The following LRRK2 variants were observed in gnomAD, a reference collection of about 807,000 sequenced individuals.
LRRK2 encodes leucine rich repeat kinase 2, also known as leucine-rich repeat serine/threonine-protein kinase 2.
Under a neutral mutation model 302.6 loss-of-function variants are expected in LRRK2, and 203 were observed. That is an observed-to-expected ratio of 0.67 (90% CI 0.60 to 0.75). LRRK2 has a LOEUF of 0.75. Among genes scored for constraint, LRRK2 ranks in the 30% least tolerant of loss-of-function variants. LRRK2 has a pLI of 0.00. For synonymous variants in LRRK2, 1,066 were observed against 1,031.9 expected, an observed-to-expected ratio of 1.03 and a Z score of -0.63; for missense variants, 2,830 against 2,951.0, an observed-to-expected ratio of 0.96 and a Z score of 0.95.
At position 40,340,304 on chromosome 12, in the gene LRRK2, T is replaced by C. The variant is rs1459894501; in HGVS notation, c.5959T>C (p.Ser1987Pro). 6.2e-7 allele frequency: 1 copy of C among 1,613,770 alleles called. No homozygotes were observed. The highest frequency in any genetic ancestry group is 2.2e-5 in the East Asian group (1 of 44,878). ...HVADGLRYLH[S>P]AMIIYRDLKP... Reference sequence around the variant, plus strand: ...TGCATTTTCTGGCAGATACCTCCACTCAGCCATGATTATATACCGAGACCT... The same window carrying C: ...TGCATTTTCTGGCAGATACCTCCACCCAGCCATGATTATATACCGAGACCT... The change falls in exon 41 of 51, where the codon TCA (serine) becomes CCA (proline). Residue 1987 changes from serine to proline, a missense_variant. Ser to Pro is a moderately conservative substitution (Grantham distance 74). Around this residue, in one of 3 missense-constraint regions of LRRK2, gnomAD observed 253 missense variants for 346.7 expected, o/e 0.73. Coordinates refer to ENST00000298910, the MANE Select transcript of LRRK2 (RefSeq NM_198578.4).
intron 33 of LRRK2, among the ~76,000 whole-genome samples, chr12:40,316,661 A>G (rs1369500835): frequency 1.3e-5 from 2 of 152,064 alleles, no homozygotes; most frequent in Non-Finnish European, 2.9e-5. Flanking sequence ...GGTTCAGTGT[A>G]AGTGAGGGGT....
At chr12:40,270,082 T>G (rs1565697692) in intron 14 of LRRK2, among the ~76,000 whole-genome samples, 1 of 152,178 alleles carries the variant, frequency 6.6e-6, no homozygotes, top group Non-Finnish European at 1.5e-5. Context: ...TTAGAGTTGT[T>G]GAATATTTTA....
intron 6 of LRRK2, 127 bp from the exon 7 acceptor site, chr12:40,243,423 T>C: frequency 1.0e-6 from 1 of 970,556 alleles, no homozygotes; most frequent in Non-Finnish European, 1.6e-6. Context: ...AAGAACATGA[T>C]GTTTAAATTT....
chr12:40,294,128 CT>C (rs1298514418), intron 21 of LRRK2, among the ~76,000 whole-genome samples: 14 of 110,412 alleles, frequency 1.3e-4, no homozygotes, highest in African/African-American at 3.3e-4. Context: ...ATCTATCTAT[CT>C]ATCATCTATC....
intron 39 of LRRK2, among the ~76,000 whole-genome samples, chr12:40,332,938 G>A (rs1945755623): frequency 7.1e-6 from 1 of 141,694 alleles, no homozygotes. Context: ...AAAAAGGGGT[G>A]TGCATAATGT....
intron 28 of LRRK2, among the ~76,000 whole-genome samples, chr12:40,307,781 CT>C (rs201473630): frequency 0.12 from 14,365 of 118,966 alleles, 498 homozygotes; most frequent in African/African-American, 0.17. Context: ...CTTTTCTTTT[CT>C]TTTTTTTTTT....
intron 20 of LRRK2, among the ~76,000 whole-genome samples, chr12:40,288,584 G>A (rs1452976617): frequency 6.6e-6 from 1 of 151,782 alleles, no homozygotes; most frequent in African/African-American, 2.4e-5. Context: ...GAGCATTCTG[G>A]TTGCTCTACA....
At chr12:40,348,774 T>G (rs1946268873) in intron 43 of LRRK2, among the ~76,000 whole-genome samples, 1 of 152,148 alleles carries the variant, frequency 6.6e-6, no homozygotes. Context: ...CTGTTGACTC[T>G]TTTGCCTACA....
intron 40 of LRRK2, among the ~76,000 whole-genome samples, chr12:40,336,930 C>G (rs1945890502): frequency 1.3e-5 from 2 of 152,294 alleles, no homozygotes; most frequent in South Asian, 4.1e-4. Flanking sequence ...TATTTTTTAA[C>G]ACTGTTCGAA....
At chr12:40,347,528 T>C (rs906283145) in intron 42 of LRRK2, among the ~76,000 whole-genome samples, 2 of 152,252 alleles carry the variant, frequency 1.3e-5, no homozygotes, top group Non-Finnish European at 2.9e-5. Flanking sequence ...GTGTACACAA[T>C]GTGCCATGTA....
chr12:40,305,230 G>T (rs1455344738), intron 27 of LRRK2, among the ~76,000 whole-genome samples: 1 of 152,080 alleles, frequency 6.6e-6, no homozygotes, highest in African/African-American at 2.4e-5. Context: ...GCAAAACTGT[G>T]CATATATTTT....
Position 40,238,039 on chromosome 12 carries a change from A to T in LRRK2, c.507A>T (p.Ser169=), listed in dbSNP as rs1455562675. ...IFMLIFDAMH[S]FPANDEVQKL... is the part of the protein sequence containing the mutation. ...TGTTAATTTTTGATGCCATGCACTC[A>T]TTTCCAGCCAATGATGAAGTCCAGA... is the stretch of plus-strand genomic sequence containing the variant. Residue 169 remains serine, a synonymous_variant, in exon 5 of 51, where the codon TCA becomes TCT. Transcript: ENST00000298910. 1 of 1,613,748 alleles carries T rather than the reference A, an allele frequency of 6.2e-7. No individual in the cohort carries two copies.
intron 6 of LRRK2, 42 bp from the exon 7 acceptor site, chr12:40,243,508 A>G (rs370900988): frequency 9.3e-6 from 15 of 1,604,484 alleles, no homozygotes; most frequent in Non-Finnish European, 1.3e-5. Flanking sequence ...TGAAAGGAGA[A>G]CATGGTTACC....
rs1340472180 is a variant in LRRK2 at position 40,309,416 on chromosome 12, A to T, written c.4317+183A>T. On this transcript the variant is annotated intron_variant, in intron 30 of 50. Transcript: ENST00000298910. ...TCCGAGTAATGAAGTCATAACATGA[A>T]AATTGTATGTTCCATGTTGGTGAAT... is the stretch of plus-strand genomic sequence containing the variant. Among the ~76,000 whole-genome samples, 6 of 152,116 alleles carry T rather than the reference A, an allele frequency of 3.9e-5. No individual in the cohort carries two copies. The South Asian group carries it at 8.3e-4, about 21-fold the overall frequency.
chr12:40,278,397 G>T (rs1347775539), intron 18 of LRRK2, 136 bp downstream of exon 18: 2 of 1,071,118 alleles, frequency 1.9e-6, no homozygotes, highest in Non-Finnish European at 2.8e-6. Context: ...AATTGTTTGT[G>T]TCTTGTAGTA....
intron 41 of LRRK2, among the ~76,000 whole-genome samples, chr12:40,341,358 G>C (rs768006937): frequency 6.6e-6 from 1 of 152,146 alleles, no homozygotes; most frequent in African/African-American, 2.4e-5. Flanking sequence ...GTTCTAGTTC[G>C]TTTCCTGCGC....
chr12:40,296,712 A>T (rs1311723972), intron 23 of LRRK2, among the ~76,000 whole-genome samples: 4 of 152,158 alleles, frequency 2.6e-5, no homozygotes, highest in African/African-American at 4.8e-5. Context: ...GATGTTTTAA[A>T]GGCAACATTA....
chr12:40,332,045 A>G (rs1308389218), intron 39 of LRRK2, among the ~76,000 whole-genome samples: 1 of 152,226 alleles, frequency 6.6e-6, no homozygotes, highest in Non-Finnish European at 1.5e-5. Flanking sequence ...AACCCATTAA[A>G]TAAATAGATG....
At chr12:40,281,407 T>A (rs1943692571) in intron 18 of LRRK2, among the ~76,000 whole-genome samples, 1 of 152,226 alleles carries the variant, frequency 6.6e-6, no homozygotes, top group Non-Finnish European at 1.5e-5. Flanking sequence ...TCATTTTCTC[T>A]AAAATAACAG....
Sources: allele counts gnomAD v4.1 joint callset (sites outside exome capture counted in the v4.1 genomes callset), GRCh38; gene constraint gnomAD v4.1.1; regional missense constraint gnomAD v4.1.1; transcripts MANE v1.5; gene names NCBI Gene and HGNC (gene_info 2026-07-23, HGNC 2026-07-21).